TNFRSF11A: variants seen among roughly 807,000 people sequenced by gnomAD.
TNFRSF11A encodes TNF receptor superfamily member 11a.
Under a neutral mutation model 55.7 loss-of-function variants are expected in TNFRSF11A, and 32 were observed. The ratio of observed to expected loss-of-function variants is 0.57; its 90% confidence interval spans 0.43 to 0.77. The LOEUF (loss-of-function observed/expected upper bound fraction) is 0.77, where lower values mean the gene tolerates loss of function less well. TNFRSF11A is among the 30% of genes least tolerant of loss of function. The pLI is 0.00. For synonymous variants in TNFRSF11A, 311 were observed against 331.0 expected (o/e 0.94, Z 0.65); for missense variants, 753 against 809.8 (o/e 0.93, Z 0.85).
Position 62,390,527 on chromosome 18 carries a change from G to A in TNFRSF11A, c.*5493G>A, listed in dbSNP as rs192299114. ...GCATTATAGGTCCAGGCCCCTTCAG[G>A]AGGGCACTGGAGTCAATGAAAGCTT... On this transcript the variant is annotated 3_prime_UTR_variant, in exon 10 of 10. Coordinates refer to ENST00000586569, the MANE Select transcript of TNFRSF11A (RefSeq NM_003839.4). 6.6e-6 allele frequency: 1 copy of A among 152,306 alleles called. No homozygotes were observed. The highest frequency in any genetic ancestry group is 2.4e-5 in the African/African-American group (1 of 41,556). The allele number at this position is 152,306 out of a possible 1,614,324, so 9.4% of individuals were successfully genotyped here.
intron 1 of TNFRSF11A, among the ~76,000 whole-genome samples, chr18:62,337,898 T>A (rs567661459): frequency 2.6e-5 from 4 of 152,348 alleles, no homozygotes; most frequent in Non-Finnish European, 5.9e-5. Flanking sequence ...ATCTGATTGG[T>A]CGACTTTCAG....
chr18:62,384,650 T>A, intron 9 of TNFRSF11A, 101 bp from the exon 10 acceptor site: 1 of 1,423,884 alleles, frequency 7.0e-7, no homozygotes, highest in Non-Finnish European at 9.7e-7. Flanking sequence ...GCTGTGGGAA[T>A]CCGGGGAGCC....
intron 6 of TNFRSF11A, among the ~76,000 whole-genome samples, chr18:62,360,592 G>A (rs992396657): frequency 1.3e-5 from 2 of 151,978 alleles, no homozygotes; most frequent in Non-Finnish European, 2.9e-5. Context: ...GATTACAGGC[G>A]CACACCACCA....
In TNFRSF11A at chr18:62,325,467, G is replaced by C. The variant is rs575435199; in HGVS notation, c.75+40G>C. The C allele has an allele frequency of 3.4e-6, 4 of 1,183,146 alleles. No individual in the cohort carries two copies. The highest frequency in any genetic ancestry group is 4.3e-5 in the South Asian group (2 of 47,028). The allele number at this position is 1,183,146 out of a possible 1,614,324, so 73.3% of individuals were successfully genotyped here. A position where few individuals can be genotyped will look rare whatever the true frequency, so the allele number is the denominator to read the frequency against. On this transcript the variant is annotated intron_variant, in intron 1 of 9. Coordinates refer to ENST00000586569, the MANE Select transcript of TNFRSF11A (RefSeq NM_003839.4). This position sits in a 1 kb window ranked among gnomAD's most constrained non-coding sequence, Gnocchi z 4.7. ...CGCCTGCCGGGCCGCGCGGCCCGACGCCTCCTCGGGAGCCCCGGGAAGGGC... is the reference window on the plus strand; with the variant it reads ...CGCCTGCCGGGCCGCGCGGCCCGACCCCTCCTCGGGAGCCCCGGGAAGGGC...
intron 1 of TNFRSF11A, among the ~76,000 whole-genome samples, chr18:62,339,005 T>G (rs1190580468): frequency 6.6e-6 from 1 of 152,216 alleles, no homozygotes; most frequent in Non-Finnish European, 1.5e-5. Context: ...GGCTCCTGCC[T>G]GCACTTTTCG....
At chr18:62,371,828 A>G (rs1910577283) in intron 9 of TNFRSF11A, among the ~76,000 whole-genome samples, 1 of 152,248 alleles carries the variant, frequency 6.6e-6, no homozygotes, top group African/African-American at 2.4e-5. Context: ...AATGCGTGAA[A>G]GAGGCTGGAG....
At chr18:62,334,962 A>C (rs574501664) in intron 1 of TNFRSF11A, among the ~76,000 whole-genome samples, 1 of 152,072 alleles carries the variant, frequency 6.6e-6, no homozygotes, top group Non-Finnish European at 1.5e-5. Context: ...GGGGCAGTTA[A>C]ATTCAGTGAA....
rs1600407467 is a variant in TNFRSF11A at position 62,369,418 on chromosome 18, C to T, written c.1501C>T (p.Leu501Phe). The T allele has an allele frequency of 1.4e-5, 22 of 1,611,490 alleles. 1 individual carries two copies. Among genetic ancestry groups the T allele is most frequent in the Admixed American group, 1.2e-4 (7 of 60,034 alleles). The change falls in exon 9 of 10, where the codon CTC becomes TTC. Residue 501 changes from leucine to phenylalanine, a missense_variant. Around this residue, in one of 3 missense-constraint regions of TNFRSF11A, gnomAD observed 567 missense variants for 596.7 expected, o/e 0.95. Transcript: ENST00000586569. ...DQPEDGADGR[L>F]PSSARAGAGS... ...GCCCGAGGATGGGGCTGATGGGAGGCTCCCAAGCTCAGCGAGGGCAGGTGC... is the reference window on the plus strand; with the variant it reads ...GCCCGAGGATGGGGCTGATGGGAGGTTCCCAAGCTCAGCGAGGGCAGGTGC...
intron 1 of TNFRSF11A, among the ~76,000 whole-genome samples, chr18:62,331,865 C>G (rs1246091259): frequency 6.6e-6 from 1 of 152,186 alleles, no homozygotes; most frequent in East Asian, 1.9e-4. Context: ...TTCCCCATAC[C>G]CCCAAAAAAT....
chr18:62,336,985 C>A (rs1012697873), intron 1 of TNFRSF11A, among the ~76,000 whole-genome samples: 1 of 152,120 alleles, frequency 6.6e-6, no homozygotes, highest in Admixed American at 6.5e-5. Context: ...CGCTTTCTTT[C>A]CTTTAAGAAG....
intron 1 of TNFRSF11A, among the ~76,000 whole-genome samples, chr18:62,326,105 T>C (rs533518165): frequency 3.6e-4 from 55 of 152,280 alleles, no homozygotes; most frequent in African/African-American, 1.3e-3. Context: ...TTCTGCCTCG[T>C]GGAGGAGGGC....
chr18:62,352,675 G>T (rs2046490836), intron 3 of TNFRSF11A, among the ~76,000 whole-genome samples: 1 of 152,238 alleles, frequency 6.6e-6, no homozygotes, highest in Non-Finnish European at 1.5e-5. Flanking sequence ...GAATTTTCCA[G>T]AGAAGTGGCA....
intron 3 of TNFRSF11A, among the ~76,000 whole-genome samples, chr18:62,352,928 A>C (rs113134065): frequency 3.3e-5 from 5 of 152,216 alleles, no homozygotes; most frequent in African/African-American, 7.2e-5. Context: ...TGGAATTCCT[A>C]TAAGTATTCA....
intron 1 of TNFRSF11A, among the ~76,000 whole-genome samples, chr18:62,339,745 C>G (rs8086340): frequency 0.56 from 85,095 of 151,966 alleles, 23,844 homozygotes; most frequent in East Asian, 0.63. Context: ...ACATCAAACT[C>G]TATCTTCTGG....
chr18:62,368,634 G>A lies in TNFRSF11A; in HGVS notation c.784-67G>A, dbSNP rs556358673. On this transcript the variant is annotated intron_variant, in intron 8 of 9. Transcript: ENST00000586569. ...CAGTGTAAACACTGTTTTCAGCAAT[G>A]TTTAGCTAAACTTGTCCTAATAACT... The A allele has an allele frequency of 2.0e-6, 3 of 1,537,980 alleles. No homozygotes were observed. In the South Asian group the frequency reaches 3.4e-5, roughly 17 times the overall value.
At position 62,359,720 on chromosome 18, in the gene TNFRSF11A, G is replaced by A. The variant is rs1014585760; in HGVS notation, c.522-235G>A. Among the ~76,000 whole-genome samples, 7 of 152,266 alleles carry A rather than the reference G, an allele frequency of 4.6e-5. 1 individual carries two copies. Among genetic ancestry groups the A allele is most frequent in the African/African-American group, 1.7e-4 (7 of 41,564 alleles). ...GAAGACTCTGCTCTGCTCCTTTGCT[G>A]ACCGCAATCTCAGAGTAGCTGTCAG... On this transcript the variant is annotated intron_variant, in intron 5 of 9. Coordinates refer to ENST00000586569, the MANE Select transcript of TNFRSF11A (RefSeq NM_003839.4).
At chr18:62,380,025 C>T (rs1483324964) in intron 9 of TNFRSF11A, among the ~76,000 whole-genome samples, 1 of 152,198 alleles carries the variant, frequency 6.6e-6, no homozygotes, top group Non-Finnish European at 1.5e-5. Flanking sequence ...TTGCCCGCGC[C>T]TTCAGGACTG....
chr18:62,328,232 G>A (rs2046102317), intron 1 of TNFRSF11A, among the ~76,000 whole-genome samples: 1 of 151,966 alleles, frequency 6.6e-6, no homozygotes, highest in South Asian at 2.1e-4. Flanking sequence ...GGGAGGGAGA[G>A]AGGGAGGGAG....
chr18:62,326,207 T>C (rs1166227953), intron 1 of TNFRSF11A, among the ~76,000 whole-genome samples: 1 of 152,232 alleles, frequency 6.6e-6, no homozygotes, highest in Admixed American at 6.5e-5. Flanking sequence ...GTGGTGGTTT[T>C]CTTGGTTTCG....
Sources: gnomAD v4.1 joint callset for allele counts (sites outside exome capture counted in the v4.1 genomes callset) on GRCh38, gnomAD v4.1.1 for gene constraint, gnomAD v4.1.1 regional missense constraint, Gnocchi (gnomAD v3.1) non-coding constraint, MANE v1.5 for transcripts, NCBI Gene and HGNC (gene_info 2026-07-23, HGNC 2026-07-21) for gene names.